Variants in PCDHGA1 observed in about 807,000 individuals in gnomAD.
The protein encoded by PCDHGA1 is protocadherin gamma subfamily A, 1.
Under a neutral mutation model 58.0 loss-of-function variants are expected in PCDHGA1, and 32 were observed. That is an observed-to-expected ratio of 0.55 (90% CI 0.42 to 0.74). PCDHGA1 has a LOEUF of 0.74. Among genes scored for constraint, PCDHGA1 ranks in the 30% least tolerant of loss-of-function variants. The probability of loss-of-function intolerance (pLI) is 0.00; values close to 1 mark genes in which losing one functional copy is unlikely to be tolerated. For synonymous variants in PCDHGA1, 498 were observed against 501.1 expected (o/e 0.99, Z 0.08); for missense variants, 1,205 against 1,182.3 (o/e 1.02, Z -0.28).
intron 1 of PCDHGA1, chr5:141,400,192 G>T (rs1411721247): frequency 6.2e-7 from 1 of 1,614,088 alleles, no homozygotes; most frequent in South Asian, 1.1e-5. Flanking sequence ...GTTTTACCTA[G>T]TGGTGGCCTT....
At position 141,477,677 on chromosome 5, in the gene PCDHGA1, TC is replaced by T; in HGVS notation, c.2422-17128del. On this transcript the variant is annotated intron_variant, in intron 1 of 3. Transcript: ENST00000517417. This position sits in a 1 kb window ranked among gnomAD's most constrained non-coding sequence, Gnocchi z 4.9. ...AAATCGTGACAATGGCATAGTGTCA[TC>T]CTTAGTGCCCCTAGACTATGAGGAT... 1 of 1,614,174 alleles carries T rather than the reference TC, an allele frequency of 6.2e-7. No homozygotes were observed. The highest frequency in any genetic ancestry group is 8.5e-7 in the Non-Finnish European group (1 of 1,180,038).
At position 141,486,931 on chromosome 5, in the gene PCDHGA1, T is replaced by C. The variant is rs201042803; in HGVS notation, c.2422-7876T>C. 2 of 1,614,258 alleles carry C rather than the reference T, an allele frequency of 1.2e-6. No homozygotes were observed. Among genetic ancestry groups the C allele is most frequent in the East Asian group, 2.2e-5 (1 of 44,876 alleles). ...AAGCACTGCCTCCATCAGTTGGTGC[T>C]GGCCACCTAATCACAAAGGTGACTG... On this transcript the variant is annotated intron_variant, in intron 1 of 3. Coordinates refer to ENST00000517417, the MANE Select transcript of PCDHGA1 (RefSeq NM_018912.3). This position sits in a 1 kb window ranked among gnomAD's most constrained non-coding sequence, Gnocchi z 5.0.
At chr5:141,484,315 C>T (rs1172379949) in intron 1 of PCDHGA1, among the ~76,000 whole-genome samples, 2 of 152,326 alleles carry the variant, frequency 1.3e-5, no homozygotes, top group African/African-American at 4.8e-5. Context: ...ACCCCGCTTC[C>T]ATACTGTCCT....
intron 1 of PCDHGA1, chr5:141,383,383 G>A: frequency 6.2e-7 from 1 of 1,614,036 alleles, no homozygotes; most frequent in Non-Finnish European, 8.5e-7. Flanking sequence ...GGATCCAGAT[G>A]TGGGCACGAA....
intron 1 of PCDHGA1, chr5:141,442,378 GGT>G (rs2098320015): frequency 6.6e-6 from 1 of 152,334 alleles, no homozygotes; most frequent in Middle Eastern, 3.4e-3. Context: ...ATTCCTACCA[GGT>G]GTGTGCTTCT....
chr5:141,430,766 C>T, intron 1 of PCDHGA1: 1 of 1,504,534 alleles, frequency 6.6e-7, no homozygotes, highest in Non-Finnish European at 8.9e-7. Context: ...AAGAATGATT[C>T]CTGCGCGACT....
intron 2 of PCDHGA1, among the ~76,000 whole-genome samples, chr5:141,499,192 C>T (rs1048812227): frequency 1.1e-4 from 17 of 152,106 alleles, no homozygotes; most frequent in South Asian, 2.1e-4. Flanking sequence ...CCATTTCCCC[C>T]TTCTTAGGCT....
chr5:141,456,434 G>A (rs1418917805), intron 1 of PCDHGA1, among the ~76,000 whole-genome samples: 1 of 152,108 alleles, frequency 6.6e-6, no homozygotes, highest in Non-Finnish European at 1.5e-5. Flanking sequence ...TTATAGTATT[G>A]AGTATACAGA....
At chr5:141,361,454 T>G (rs780424534) in intron 1 of PCDHGA1, 1 of 1,614,026 alleles carries the variant, frequency 6.2e-7, no homozygotes, top group Non-Finnish European at 8.5e-7. Context: ...ATTGTCACCC[T>G]GCACATCTCC....
At chr5:141,389,172 C>G (rs1276294939) in intron 1 of PCDHGA1, 1 of 1,614,036 alleles carries the variant, frequency 6.2e-7, no homozygotes, top group Non-Finnish European at 8.5e-7. Flanking sequence ...CAAGCCTCCC[C>G]TCTCCTCCAG....
At chr5:141,370,520 CAG>C (rs1250098556) in intron 1 of PCDHGA1, 3 of 1,613,752 alleles carry the variant, frequency 1.9e-6, no homozygotes, top group African/African-American at 2.7e-5. Context: ...AGGAGCTGGA[CAG>C]GGGCTCGCTG....
intron 1 of PCDHGA1, chr5:141,370,705 T>A: frequency 6.2e-7 from 1 of 1,613,842 alleles, no homozygotes; most frequent in Non-Finnish European, 8.5e-7. Context: ...ACGTGTGTTC[T>A]GGAATTTGAA....
chr5:141,433,064 A>T, intron 1 of PCDHGA1: 1 of 1,614,064 alleles, frequency 6.2e-7, no homozygotes, highest in Non-Finnish European at 8.5e-7. Context: ...GAGTCACCTG[A>T]TCTTCCCCCA....
At chr5:141,364,976 G>A (rs781674344) in intron 1 of PCDHGA1, 1 of 1,613,902 alleles carries the variant, frequency 6.2e-7, no homozygotes, top group Middle Eastern at 1.6e-4. Flanking sequence ...CACAGCTTTA[G>A]ATGGCGGAGA....
rs553276457 is a variant in PCDHGA1 at position 141,480,179 on chromosome 5, G to A, written c.2422-14628G>A. Among the ~76,000 whole-genome samples, 10 of 152,058 alleles carry A rather than the reference G, an allele frequency of 6.6e-5. No individual in the cohort carries two copies. In the South Asian group the frequency reaches 8.3e-4, roughly 13 times the overall value. On this transcript the variant is annotated intron_variant, in intron 1 of 3. Transcript: ENST00000517417. ...AGCATTTTGGGAGGCTGAGGCAGGC[G>A]GATTGCTTGAGGCCAGCAGTTCAAG... is the stretch of plus-strand genomic sequence containing the variant.
chr5:141,436,931 G>A (rs1026520169), intron 1 of PCDHGA1, among the ~76,000 whole-genome samples: 1 of 152,114 alleles, frequency 6.6e-6, no homozygotes, highest in Non-Finnish European at 1.5e-5. Context: ...CTTTTTCTTT[G>A]TCTGAACCAT....
chr5:141,404,334 T>G (rs1201635505), intron 1 of PCDHGA1: 2 of 1,613,882 alleles, frequency 1.2e-6, no homozygotes, highest in Non-Finnish European at 1.7e-6. Flanking sequence ...TCAGTCTACC[T>G]CCCGGAAAAC....
At chr5:141,374,269 C>G in intron 1 of PCDHGA1, 2 of 1,614,002 alleles carry the variant, frequency 1.2e-6, no homozygotes. Context: ...TGGCGGAGCA[C>G]GGAGTCCGCA....
intron 1 of PCDHGA1, chr5:141,415,152 C>T (rs758450562): frequency 6.2e-7 from 1 of 1,613,812 alleles, no homozygotes; most frequent in Admixed American, 1.7e-5. Context: ...CCCCTCTCTC[C>T]GCCACTGTCA....
Sources: allele counts gnomAD v4.1 joint callset (sites outside exome capture counted in the v4.1 genomes callset), GRCh38; gene constraint gnomAD v4.1.1; non-coding constraint Gnocchi (gnomAD v3.1); transcripts MANE v1.5; gene names NCBI Gene and HGNC (gene_info 2026-07-23, HGNC 2026-07-21).